AGAP1: variants seen among roughly 807,000 people sequenced by gnomAD.
The protein encoded by AGAP1 is arf-GAP with GTPase, ANK repeat and PH domain-containing protein 1.
A neutral mutation model predicts 105.3 loss-of-function variants in AGAP1; 29 were observed. That is an observed-to-expected ratio of 0.28 (90% CI 0.21 to 0.38). The LOEUF (loss-of-function observed/expected upper bound fraction) is 0.38, where lower values mean the gene tolerates loss of function less well. AGAP1 is among the 10% of genes least tolerant of loss of function. The pLI is 1.00. For synonymous variants in AGAP1, 509 were observed against 485.9 expected (o/e 1.05, Z -0.63); for missense variants, 998 against 1,165.1 (o/e 0.86, Z 2.09).
At chr2:235,516,103 G>A (rs551902377) in intron 1 of AGAP1, among the ~76,000 whole-genome samples, 1 of 146,630 alleles carries the variant, frequency 6.8e-6, no homozygotes, top group Admixed American at 7.0e-5. Context: ...TGGCCCGCCA[G>A]TTCCCATGGA....
chr2:235,921,670 A>T (rs1041869453), intron 11 of AGAP1, among the ~76,000 whole-genome samples: 1 of 152,236 alleles, frequency 6.6e-6, no homozygotes, highest in Non-Finnish European at 1.5e-5. Context: ...TGTCTTGATA[A>T]ACATAACATG....
intron 13 of AGAP1, among the ~76,000 whole-genome samples, chr2:236,029,466 A>G (rs1459544704): frequency 7.0e-6 from 1 of 142,666 alleles, no homozygotes; most frequent in Non-Finnish European, 1.5e-5. Flanking sequence ...TCGGTATTTT[A>G]GTAGAGATGG....
chr2:235,770,133 C>CTTTTTTTTTTTTTTTTTTTT (rs57008190), intron 6 of AGAP1, among the ~76,000 whole-genome samples: 4 of 136,654 alleles, frequency 2.9e-5, no homozygotes, highest in Non-Finnish European at 4.7e-5. Context: ...TTCTTTGTTT[C>CTTTTTTTTTTTTTTTTTTTT]TTTTTTTTTT....
In AGAP1 at chr2:235,879,625, G is replaced by T. The variant is rs1453793199; in HGVS notation, c.1051-3720G>T. Reference sequence around the variant, plus strand: ...ACAGTGGCTCACTCCCTGTCATCCAGCACTTTCTAAAGACCTAAGCGAGGC... The same window carrying T: ...ACAGTGGCTCACTCCCTGTCATCCATCACTTTCTAAAGACCTAAGCGAGGC... On this transcript the variant is annotated intron_variant, in intron 9 of 17. Coordinates refer to ENST00000304032, the MANE Select transcript of AGAP1 (RefSeq NM_001037131.3). This position sits in a 1 kb window ranked among gnomAD's most constrained non-coding sequence, Gnocchi z 5.0. 6.6e-6 allele frequency among the ~76,000 whole-genome samples: 1 copy of T among 152,008 alleles called. No homozygotes were observed. Among genetic ancestry groups the T allele is most frequent in the Non-Finnish European group, 1.5e-5 (1 of 68,004 alleles).
Position 235,977,963 on chromosome 2 carries a change from T to C in AGAP1, c.1645+9340T>C, listed in dbSNP as rs2054929753. On this transcript the variant is annotated intron_variant, in intron 13 of 17. Transcript: ENST00000304032. This position sits in a 1 kb window ranked among gnomAD's most constrained non-coding sequence, Gnocchi z 5.2. Reference sequence around the variant, plus strand: ...TCACGGCACCAGCTGATTCTCTTCCTAGGGAGAGCTCTCTTCCTGGCTTGC... The same window carrying C: ...TCACGGCACCAGCTGATTCTCTTCCCAGGGAGAGCTCTCTTCCTGGCTTGC... Among the ~76,000 whole-genome samples the C allele has an allele frequency of 6.6e-6, 1 of 152,170 alleles. No homozygotes were observed. Among genetic ancestry groups the C allele is most frequent in the African/African-American group, 2.4e-5 (1 of 41,454 alleles).
intron 9 of AGAP1, among the ~76,000 whole-genome samples, chr2:235,838,117 C>T (rs538471803): frequency 1.6e-4 from 24 of 152,164 alleles, no homozygotes; most frequent in Non-Finnish European, 2.8e-4. Flanking sequence ...ACCCAAGAGG[C>T]GGAGGTTGCA....
At chr2:235,800,130 A>G (rs1183448845) in intron 8 of AGAP1, among the ~76,000 whole-genome samples, 1 of 148,200 alleles carries the variant, frequency 6.7e-6, no homozygotes, top group Non-Finnish European at 1.5e-5. Context: ...CTTTTGAGAC[A>G]GGGTCTCACT....
chr2:235,587,995 C>T (rs952106366), intron 1 of AGAP1, among the ~76,000 whole-genome samples: 9 of 151,864 alleles, frequency 5.9e-5, no homozygotes, highest in African/African-American at 9.7e-5. Context: ...TTTGGGAGGC[C>T]GACATGCGTG....
At chr2:235,632,338 C>T (rs1206144391) in intron 1 of AGAP1, among the ~76,000 whole-genome samples, 2 of 152,210 alleles carry the variant, frequency 1.3e-5, no homozygotes, top group Non-Finnish European at 2.9e-5. Flanking sequence ...TTTGGCTATC[C>T]TCGGGGTGCC....
At chr2:235,696,264 T>A (rs1575154237) in intron 1 of AGAP1, among the ~76,000 whole-genome samples, 1 of 152,218 alleles carries the variant, frequency 6.6e-6, no homozygotes, top group East Asian at 1.9e-4. Context: ...CAGGCTGGTC[T>A]TGAACTCCTG....
rs184344723 is a variant in AGAP1, at chr2:235,701,050, T to C, written c.164-8129T>C. On this transcript the variant is annotated intron_variant, in intron 1 of 17. Coordinates refer to ENST00000304032, the MANE Select transcript of AGAP1 (RefSeq NM_001037131.3). This position sits in a 1 kb window ranked among gnomAD's most constrained non-coding sequence, Gnocchi z 4.1. The stretch of plus-strand genomic sequence containing the variant: ...ATATGCTATAATATAGTTATATGTA[T>C]ATATTATATATGCTATAATATAGTT... Among the ~76,000 whole-genome samples, 1 of 126,786 alleles carries C rather than the reference T, an allele frequency of 7.9e-6. No individual in the cohort carries two copies. The highest frequency in any genetic ancestry group is 7.4e-5 in the Admixed American group (1 of 13,452). The allele number at this position is 126,786 out of a possible 152,430, so 83.2% of individuals were successfully genotyped here.
intron 9 of AGAP1, among the ~76,000 whole-genome samples, chr2:235,839,525 C>T (rs1960556527): frequency 6.6e-6 from 1 of 152,190 alleles, no homozygotes; most frequent in South Asian, 2.1e-4. Flanking sequence ...GAGCTCAAGG[C>T]TGCAGTGAGC....
intron 6 of AGAP1, among the ~76,000 whole-genome samples, chr2:235,785,047 G>A (rs1387113603): frequency 2.0e-5 from 3 of 152,176 alleles, no homozygotes; most frequent in East Asian, 1.9e-4. Flanking sequence ...CAGGGCCACC[G>A]CTGCTGGCTC....
intron 1 of AGAP1, among the ~76,000 whole-genome samples, chr2:235,640,655 A>C (rs1328419600): frequency 1.3e-5 from 2 of 152,154 alleles, no homozygotes; most frequent in Non-Finnish European, 2.9e-5. Flanking sequence ...CTCCCTCTCT[A>C]GCCCCTGTGT....
intron 2 of AGAP1, 151 bp from the exon 3 acceptor site, chr2:235,717,406 G>A (rs947975062): frequency 6.9e-6 from 4 of 582,944 alleles, no homozygotes; most frequent in African/African-American, 1.9e-5. Flanking sequence ...TTACTCCAAT[G>A]GAAGTATTGA....
At chr2:235,860,559 T>C (rs145977152) in intron 9 of AGAP1, among the ~76,000 whole-genome samples, 64 of 152,294 alleles carry the variant, frequency 4.2e-4, no homozygotes, top group African/African-American at 1.4e-3. Context: ...CTTATTCTCA[T>C]TTGTGGAATT....
At chr2:235,668,703 C>A (rs1948212974) in intron 1 of AGAP1, among the ~76,000 whole-genome samples, 1 of 152,166 alleles carries the variant, frequency 6.6e-6, no homozygotes, top group Non-Finnish European at 1.5e-5. Context: ...ATCAGCCCAC[C>A]AGGTAGGAAA....
rs184503162 is a variant in AGAP1, at chr2:235,664,208, T to G, written c.164-44971T>G. Among the ~76,000 whole-genome samples the G allele has an allele frequency of 2.0e-5, 3 of 151,878 alleles. No individual in the cohort carries two copies. Among genetic ancestry groups the G allele is most frequent in the African/African-American group, 7.3e-5 (3 of 41,274 alleles). The stretch of plus-strand genomic sequence containing the variant: ...ATAGATTGGATTTTAATATATAGTT[T>G]GTTTTTTTGTTTTTTTTTTCGAGAC... On this transcript the variant is annotated intron_variant, in intron 1 of 17. Coordinates refer to ENST00000304032, the MANE Select transcript of AGAP1 (RefSeq NM_001037131.3). The surrounding 1 kb of genome is among the most constrained non-coding windows in gnomAD (Gnocchi z 5.7).
intron 16 of AGAP1, among the ~76,000 whole-genome samples, chr2:236,069,227 T>C (rs1490231879): frequency 1.3e-5 from 2 of 152,170 alleles, no homozygotes; most frequent in African/African-American, 4.8e-5. Context: ...ATAGTTACAT[T>C]ATATAAAATA....
Sources: allele counts gnomAD v4.1 joint callset (sites outside exome capture counted in the v4.1 genomes callset), GRCh38; gene constraint gnomAD v4.1.1; non-coding constraint Gnocchi (gnomAD v3.1); transcripts MANE v1.5; gene names NCBI Gene and HGNC (gene_info 2026-07-23, HGNC 2026-07-21).